Variants in SOBP observed in about 807,000 individuals in gnomAD.
SOBP encodes the protein sine oculis binding protein homolog.
In SOBP, 4 loss-of-function variants were observed where a neutral mutation model predicts 53.6. The ratio of observed to expected loss-of-function variants is 0.07; its 90% CI spans 0.04 to 0.17. The LOEUF (loss-of-function observed/expected upper bound fraction) is 0.17, where lower values mean the gene tolerates loss of function less well. Among genes scored for constraint, SOBP ranks in the 10% least tolerant of loss-of-function variants. The pLI, the probability that SOBP is intolerant of heterozygous loss-of-function variation, is 1.00. For synonymous variants in SOBP, 584 were observed against 522.6 expected (o/e 1.12, Z -1.60); for missense variants, 1,088 against 1,204.7 (o/e 0.90, Z 1.43).
At chr6:107,616,825 C>A (rs147056315) in intron 5 of SOBP, among the ~76,000 whole-genome samples, 2 of 152,180 alleles carry the variant, frequency 1.3e-5, no homozygotes, top group Non-Finnish European at 2.9e-5. Context: ...ATTTAGACAG[C>A]CCTTGGCTGT....
chr6:107,598,523 G>A (rs532917130), intron 5 of SOBP, among the ~76,000 whole-genome samples: 5 of 152,162 alleles, frequency 3.3e-5, no homozygotes, highest in African/African-American at 4.8e-5. Context: ...TGTGAGTGGC[G>A]AGAATAAAAT....
chr6:107,533,095 G>C (rs558259765), intron 3 of SOBP, among the ~76,000 whole-genome samples: 1 of 151,608 alleles, frequency 6.6e-6, no homozygotes, highest in Non-Finnish European at 1.5e-5. Context: ...GCTTTCACAG[G>C]ACCTTTGAAG....
At chr6:107,543,765 T>G (rs1262366815) in intron 4 of SOBP, among the ~76,000 whole-genome samples, 1 of 152,178 alleles carries the variant, frequency 6.6e-6, no homozygotes, top group Non-Finnish European at 1.5e-5. Flanking sequence ...CAAAGTGGAT[T>G]GAAAGATAAA....
chr6:107,542,166 G>C (rs3923843), intron 4 of SOBP, among the ~76,000 whole-genome samples: 3,530 of 152,242 alleles, frequency 0.023, 142 homozygotes, highest in African/African-American at 0.078. Context: ...AAAAAGCAGA[G>C]TGAGGGAGAG....
chr6:107,647,672 C>T (rs1474853007), intron 6 of SOBP, among the ~76,000 whole-genome samples: 1 of 152,010 alleles, frequency 6.6e-6, no homozygotes, highest in Non-Finnish European at 1.5e-5. Flanking sequence ...ACAAAGAGAG[C>T]GAGTGCCCAA....
intron 4 of SOBP, among the ~76,000 whole-genome samples, chr6:107,544,518 C>T (rs772614227): frequency 6.6e-6 from 1 of 152,174 alleles, no homozygotes; most frequent in Non-Finnish European, 1.5e-5. Context: ...CCATGAGAAC[C>T]TTTATCAGGG....
At chr6:107,645,846 C>A (rs1247130116) in intron 6 of SOBP, among the ~76,000 whole-genome samples, 1 of 152,126 alleles carries the variant, frequency 6.6e-6, no homozygotes, top group East Asian at 1.9e-4. Flanking sequence ...GGTGAAGTAG[C>A]ATGTTAAAGG....
At chr6:107,532,332 CA>C (rs1783855785) in intron 3 of SOBP, among the ~76,000 whole-genome samples, 1 of 151,252 alleles carries the variant, frequency 6.6e-6, no homozygotes, top group Admixed American at 6.6e-5. Context: ...CAAGATGTAG[CA>C]AAAGCCGTTA....
intron 4 of SOBP, among the ~76,000 whole-genome samples, chr6:107,583,377 T>C (rs1785463923): frequency 6.6e-6 from 1 of 152,174 alleles, no homozygotes; most frequent in African/African-American, 2.4e-5. Flanking sequence ...AGAGGAGATA[T>C]TTGCCTTGGA....
At position 107,633,510 on chromosome 6, in the gene SOBP, G is replaced by T; in HGVS notation, c.670-4G>T. 6.2e-7 allele frequency: 1 copy of T among 1,614,236 alleles called. No individual in the cohort carries two copies. The highest frequency in any genetic ancestry group is 8.5e-7 in the Non-Finnish European group (1 of 1,180,046). ...TGTTGTGGTTTTTTATTACTGTGTT[G>T]TAGGTATGTGACTGGTGTAAGCACA... On this transcript the variant is annotated splice_polypyrimidine_tract_variant and splice_region_variant and intron_variant, in intron 5 of 6. Coordinates refer to ENST00000317357, the MANE Select transcript of SOBP (RefSeq NM_018013.4).
At chr6:107,597,178 G>A (rs7748110) in intron 5 of SOBP, among the ~76,000 whole-genome samples, 30,419 of 152,006 alleles carry the variant, frequency 0.2, 5,154 homozygotes, top group African/African-American at 0.45. Context: ...AATATTGAAC[G>A]TGTGCTAGGA....
At chr6:107,617,450 G>C (rs989262517) in intron 5 of SOBP, among the ~76,000 whole-genome samples, 1 of 152,180 alleles carries the variant, frequency 6.6e-6, no homozygotes, top group African/African-American at 2.4e-5. Context: ...CAGAGGGTTT[G>C]TGTCGCCTTT....
In SOBP at chr6:107,573,421, C is replaced by T. The variant is rs375845595; in HGVS notation, c.574-13659C>T. Among the ~76,000 whole-genome samples, 67 of 151,718 alleles carry T rather than the reference C, an allele frequency of 4.4e-4. 1 individual carries two copies. The South Asian group carries it at 0.013, about 30-fold the overall frequency. On this transcript the variant is annotated intron_variant, in intron 4 of 6. Coordinates refer to ENST00000317357, the MANE Select transcript of SOBP (RefSeq NM_018013.4). ...TTAAGTAACTGTCATATATTGAGTA[C>T]TTATTCTGTGCCAGGCATTGTGTGG...
intron 2 of SOBP, among the ~76,000 whole-genome samples, chr6:107,505,386 G>A (rs781781545): frequency 1.3e-4 from 19 of 151,784 alleles, no homozygotes; most frequent in Non-Finnish European, 2.4e-4. Flanking sequence ...GCAGTGGCGC[G>A]ATCTCAGTTC....
chr6:107,617,056 A>G (rs747822426), intron 5 of SOBP, among the ~76,000 whole-genome samples: 8 of 152,160 alleles, frequency 5.3e-5, no homozygotes, highest in Non-Finnish European at 8.8e-5. Context: ...GGAGGCAGGG[A>G]AGGCTTCAGA....
chr6:107,531,910 CAG>C (rs1318280664), intron 3 of SOBP, among the ~76,000 whole-genome samples: 3 of 152,028 alleles, frequency 2.0e-5, no homozygotes, highest in Non-Finnish European at 4.4e-5. Context: ...TGGTGATACT[CAG>C]GGGGAAAAAA....
At chr6:107,552,971 G>T (rs1283815209) in intron 4 of SOBP, among the ~76,000 whole-genome samples, 1 of 152,098 alleles carries the variant, frequency 6.6e-6, no homozygotes, top group Admixed American at 6.6e-5. Context: ...AATAGCTAAG[G>T]CTTCCCCATT....
chr6:107,571,513 A>T (rs536149533), intron 4 of SOBP, among the ~76,000 whole-genome samples: 1 of 152,334 alleles, frequency 6.6e-6, no homozygotes, highest in Admixed American at 6.5e-5. Flanking sequence ...ATGACACATC[A>T]TCACTTTGCA....
At chr6:107,532,814 A>G (rs1057425024) in intron 3 of SOBP, among the ~76,000 whole-genome samples, 7 of 152,178 alleles carry the variant, frequency 4.6e-5, no homozygotes, top group African/African-American at 1.7e-4. Flanking sequence ...TTAGGACACC[A>G]GTGCCGGAAG....
Sources: allele counts gnomAD v4.1 joint callset (sites outside exome capture counted in the v4.1 genomes callset), GRCh38; gene constraint gnomAD v4.1.1; transcripts MANE v1.5; gene names NCBI Gene and HGNC (gene_info 2026-07-23, HGNC 2026-07-21).